PDE4D: variants seen among roughly 807,000 people sequenced by gnomAD.
The protein encoded by PDE4D is 3',5'-cyclic-AMP phosphodiesterase 4D.
A neutral mutation model predicts 87.4 loss-of-function variants in PDE4D; 24 were observed. That is an observed-to-expected ratio of 0.27 (90% CI 0.20 to 0.39). The LOEUF (loss-of-function observed/expected upper bound fraction) is 0.39, where lower values mean the gene tolerates loss of function less well. Ranked by LOEUF, PDE4D falls within the 10% of genes least tolerant of loss-of-function variation. The pLI is 1.00. For missense variants in PDE4D, 714 were observed against 1,041.0 expected, an observed-to-expected ratio of 0.69 and a Z score of 4.32; for synonymous variants, 384 against 383.2, an observed-to-expected ratio of 1.00 and a Z score of -0.02.
Position 60,295,675 on chromosome 5 carries a change from G to T in PDE4D, c.-89-109988C>A, listed in dbSNP as rs528558062. On this transcript the variant is annotated intron_variant, in intron 1 of 16. Coordinates refer to the PDE4D transcript ENST00000502484. ...GTCCCTATGGTCAAAGTTGCCCCCA[G>T]TTGAGAACCACTGAGCTAAACTGAG... Among the ~76,000 whole-genome samples, 18 of 152,246 alleles carry T rather than the reference G, an allele frequency of 1.2e-4. 1 individual carries two copies. In the South Asian group the frequency reaches 3.7e-3, roughly 32 times the overall value.
chr5:59,846,513 A>G (rs150587056), intron 1 of PDE4D, among the ~76,000 whole-genome samples: 3 of 152,182 alleles, frequency 2.0e-5, no homozygotes, highest in East Asian at 3.9e-4. Context: ...ATAAGCCCCC[A>G]AGATGATTTT....
At chr5:59,885,816 T>C (rs1750061182) in intron 1 of PDE4D, among the ~76,000 whole-genome samples, 1 of 152,284 alleles carries the variant, frequency 6.6e-6, no homozygotes, top group East Asian at 1.9e-4. Flanking sequence ...ACTCAAATTA[T>C]AGGCTGCTTC....
At chr5:59,788,545 A>G (rs1765423102) in intron 1 of PDE4D, among the ~76,000 whole-genome samples, 1 of 152,248 alleles carries the variant, frequency 6.6e-6, no homozygotes, top group Admixed American at 6.5e-5. Flanking sequence ...GAGCAGCTAC[A>G]AAGCCAAAGC....
At chr5:59,153,925 C>T (rs1273278861) in intron 5 of PDE4D, among the ~76,000 whole-genome samples, 1 of 152,018 alleles carries the variant, frequency 6.6e-6, no homozygotes. Flanking sequence ...TAAAGTGAAC[C>T]AGGCAATTAT....
intron 1 of PDE4D, among the ~76,000 whole-genome samples, chr5:59,613,466 CT>C (rs1829256513): frequency 6.6e-6 from 1 of 152,054 alleles, no homozygotes; most frequent in Non-Finnish European, 1.5e-5. Flanking sequence ...ACTTTGAAGT[CT>C]TGTGATTAGA....
intron 3 of PDE4D, among the ~76,000 whole-genome samples, chr5:59,922,549 G>T (rs1487808636): frequency 1.3e-5 from 2 of 152,172 alleles, no homozygotes; most frequent in East Asian, 3.9e-4. Flanking sequence ...AGAGTCATGA[G>T]CCCACCATTA....
chr5:59,828,577 G>A (rs1256841266), intron 1 of PDE4D, among the ~76,000 whole-genome samples: 2 of 152,128 alleles, frequency 1.3e-5, no homozygotes, highest in Admixed American at 6.6e-5. Context: ...TCTATGCATG[G>A]TTCTTTAATT....
chr5:59,300,696 G>C (rs1770052182), intron 1 of PDE4D, among the ~76,000 whole-genome samples: 1 of 151,964 alleles, frequency 6.6e-6, no homozygotes, highest in South Asian at 2.1e-4. Context: ...CCCACACCAA[G>C]CAGCCAACAC....
chr5:59,774,397 T>G lies in PDE4D; in HGVS notation c.455+118771A>C, dbSNP rs1048165993. ...GATATTTCTTATACATTCCACCCAA[T>G]TAAACATCAAAAGCCAGTAAACAGT... On this transcript the variant is annotated intron_variant, in intron 1 of 14. Transcript: ENST00000340635. Among the ~76,000 whole-genome samples the G allele has an allele frequency of 1.6e-4, 25 of 152,286 alleles. No individual in the cohort carries two copies. In the East Asian group the frequency reaches 1.9e-3, roughly 12 times the overall value.
At chr5:59,901,511 A>C (rs1752257668) in intron 3 of PDE4D, among the ~76,000 whole-genome samples, 1 of 152,188 alleles carries the variant, frequency 6.6e-6, no homozygotes, top group Non-Finnish European at 1.5e-5. Context: ...ATAAGTCATA[A>C]ATTGGAAGAA....
intron 1 of PDE4D, among the ~76,000 whole-genome samples, chr5:59,376,372 C>T (rs1310804166): frequency 1.3e-5 from 2 of 152,144 alleles, no homozygotes; most frequent in African/African-American, 2.4e-5. Flanking sequence ...AAATAACTAG[C>T]ATTCCTACAC....
At chr5:59,763,938 G>GAA (rs1255327567) in intron 1 of PDE4D, among the ~76,000 whole-genome samples, 1 of 152,172 alleles carries the variant, frequency 6.6e-6, no homozygotes, top group Non-Finnish European at 1.5e-5. Context: ...AGGCGCAATA[G>GAA]AAATCTGTTC....
intron 5 of PDE4D, among the ~76,000 whole-genome samples, chr5:59,152,488 G>A (rs1005180012): frequency 1.3e-5 from 2 of 151,982 alleles, no homozygotes; most frequent in African/African-American, 4.8e-5. Flanking sequence ...AGGTATTTTT[G>A]TATTAAACCA....
At chr5:59,411,950 C>T (rs1349536027) in intron 1 of PDE4D, among the ~76,000 whole-genome samples, 2 of 152,186 alleles carry the variant, frequency 1.3e-5, no homozygotes, top group Non-Finnish European at 1.5e-5. Flanking sequence ...AATGGATTCG[C>T]TCACTTATTA....
chr5:60,044,232 A>G (rs1768890637), intron 2 of PDE4D, among the ~76,000 whole-genome samples: 1 of 152,122 alleles, frequency 6.6e-6, no homozygotes, highest in South Asian at 2.1e-4. Context: ...ATTATTATAT[A>G]TTGTATGTAT....
Position 60,137,571 on chromosome 5 carries a change from TG to T in PDE4D, c.42+47985del, listed in dbSNP as rs1780162094. On this transcript the variant is annotated intron_variant, in intron 2 of 16. Transcript: ENST00000502484. ...GTGATTTTTTTTTTCATATGTTTGT[TG>T]GCCACATGAATGTCTTCTTTTGAGA... Among the ~76,000 whole-genome samples the T allele has an allele frequency of 5.9e-5, 9 of 152,314 alleles. No homozygotes were observed. In the South Asian group the frequency reaches 1.9e-3, roughly 32 times the overall value.
chr5:60,047,687 A>T (rs1224326346), intron 2 of PDE4D, among the ~76,000 whole-genome samples: 3 of 152,066 alleles, frequency 2.0e-5, no homozygotes, highest in Admixed American at 6.6e-5. Flanking sequence ...TTTGAATGAG[A>T]TTCTTAATCC....
intron 6 of PDE4D, among the ~76,000 whole-genome samples, chr5:58,995,229 T>C (rs1312652367): frequency 6.6e-6 from 1 of 152,060 alleles, no homozygotes; most frequent in African/African-American, 2.4e-5. Flanking sequence ...TAGAAAGCTA[T>C]ACCAAAAAAA....
intron 1 of PDE4D, among the ~76,000 whole-genome samples, chr5:60,337,914 AC>A (rs1757957829): frequency 6.6e-6 from 1 of 152,156 alleles, no homozygotes; most frequent in African/African-American, 2.4e-5. Context: ...GCAAACAGAA[AC>A]AAATAATAAT....
Sources: allele counts gnomAD v4.1 joint callset (sites outside exome capture counted in the v4.1 genomes callset), GRCh38; gene constraint gnomAD v4.1.1; transcripts MANE v1.5; gene names NCBI Gene and HGNC (gene_info 2026-07-23, HGNC 2026-07-21).